Variants in IDE observed in about 807,000 individuals in gnomAD.
IDE encodes the protein insulin-degrading enzyme.
In IDE, 58 loss-of-function variants were observed where a neutral mutation model predicts 133.2. The ratio of observed to expected loss-of-function variants is 0.44; its 90% CI spans 0.35 to 0.54. The LOEUF is 0.54. IDE is among the 20% of genes least tolerant of loss of function. The pLI is 0.00. For synonymous variants in IDE, 396 were observed against 421.3 expected (o/e 0.94, Z 0.73); for missense variants, 981 against 1,234.0 (o/e 0.79, Z 3.07).
chr10:92,538,241 G>A (rs773133266), intron 1 of IDE, among the ~76,000 whole-genome samples: 7 of 152,172 alleles, frequency 4.6e-5, no homozygotes, highest in Non-Finnish European at 8.8e-5. Flanking sequence ...GAGATGTTGT[G>A]TAAGAATTAT....
rs527465031 is a variant in IDE at position 92,470,417 on chromosome 10, A to T, written c.2117-72T>A. 3.1e-5 allele frequency: 30 copies of T among 957,814 alleles called. No homozygotes were observed. The Admixed American group carries it at 3.8e-4, about 12-fold the overall frequency. 59.3% of individuals were successfully genotyped at this position (957,814 alleles called of 1,614,324 possible). ...TTTTGTTTGAGATAATTTGAGACTT[A>T]CAGAAGACTTGCAAAAATAGTACAC... On this transcript the variant is annotated intron_variant, in intron 17 of 24. Coordinates refer to ENST00000265986, the MANE Select transcript of IDE (RefSeq NM_004969.4).
rs1430975285 is a variant in IDE, at chr10:92,460,538, G to A, written c.2823+653C>T. On this transcript the variant is annotated intron_variant, in intron 22 of 24. Coordinates refer to ENST00000265986, the MANE Select transcript of IDE (RefSeq NM_004969.4). Reference sequence around the variant, plus strand: ...TGGGTCAATCTTTTGGCTTCCTTGGGCCACACTGGAAGAAGAAGAATTGTC... The same window carrying A: ...TGGGTCAATCTTTTGGCTTCCTTGGACCACACTGGAAGAAGAAGAATTGTC... Among the ~76,000 whole-genome samples the A allele has an allele frequency of 2.0e-5, 3 of 152,076 alleles. No individual in the cohort carries two copies. The South Asian group carries it at 6.2e-4, about 32-fold the overall frequency.
Position 92,475,988 on chromosome 10 carries a change from C to T in IDE, c.1891G>A (p.Val631Met). Residue 631 changes from valine (V) to methionine (M), a missense_variant, in exon 16 of 25, where the codon GTG (valine) becomes ATG (methionine). By Grantham distance (21) the Val-to-Met change is conservative (BLOSUM62 1). This residue lies in a region of IDE where 660 missense variants were observed against 894.7 expected (regional missense o/e 0.74). Transcript: ENST00000265986. ...QNTIYGMYLS[V>M]KGYNDKQPIL... ...GGCTGCTTGTCATTGTAACCTTTCA[C>T]TGAAAGCTACAGAAAGAATTCAGGG... 7.2e-7 allele frequency: 1 copy of T among 1,393,680 alleles called. No homozygotes were observed. Among genetic ancestry groups the T allele is most frequent in the Non-Finnish European group, 1.0e-6 (1 of 997,448 alleles). The allele number at this position is 1,393,680 out of a possible 1,614,324, so 86.3% of individuals were successfully genotyped here. A position where few individuals can be genotyped will look rare whatever the true frequency, so the allele number is the denominator to read the frequency against.
chr10:92,572,693 G>C (rs1843842418), intron 1 of IDE, among the ~76,000 whole-genome samples: 1 of 152,154 alleles, frequency 6.6e-6, no homozygotes, highest in East Asian at 1.9e-4. Flanking sequence ...TACAGGACTT[G>C]TGTCCTTCTA....
At chr10:92,496,561 G>A (rs909407519) in intron 11 of IDE, among the ~76,000 whole-genome samples, 8 of 152,158 alleles carry the variant, frequency 5.3e-5, no homozygotes, top group Non-Finnish European at 1.0e-4. Context: ...TGAGGCCGGT[G>A]GATCACTTGA....
intron 1 of IDE, among the ~76,000 whole-genome samples, chr10:92,570,049 G>A (rs951292583): frequency 3.3e-5 from 5 of 152,088 alleles, no homozygotes; most frequent in East Asian, 3.9e-4. Context: ...GGTGGAAGTT[G>A]CAGTGAGCCA....
Position 92,487,200 on chromosome 10 carries a change from A to G in IDE, c.1652T>C (p.Ile551Thr), listed in dbSNP as rs1847049844. Residue 551 changes from isoleucine to threonine, a missense_variant, in exon 13 of 25, where the codon ATT (isoleucine) becomes ACT (threonine). Ile to Thr is a moderately conservative substitution (Grantham distance 89). Coordinates refer to ENST00000265986, the MANE Select transcript of IDE (RefSeq NM_004969.4). ...EKEATPYPAL[I>T]KDTAMSKLWF... Reference sequence around the variant, plus strand: ...TCACTGATTCAAACACATTACCTTAATAAGAGCAGGGTATGGTGTCGCCTC... The same window carrying G: ...TCACTGATTCAAACACATTACCTTAGTAAGAGCAGGGTATGGTGTCGCCTC... 4 of 1,610,890 alleles carry G rather than the reference A, an allele frequency of 2.5e-6. No homozygotes were observed. In the Middle Eastern group the frequency reaches 6.6e-4, roughly 267 times the overall value.
At chr10:92,466,188 A>G (rs956164521) in intron 19 of IDE, among the ~76,000 whole-genome samples, 2 of 143,686 alleles carry the variant, frequency 1.4e-5, no homozygotes, top group African/African-American at 5.2e-5. Context: ...CTGTGAGTAT[A>G]CCACTGCACT....
At chr10:92,525,331 TAAAATTC>T (rs1159805365) in intron 4 of IDE, among the ~76,000 whole-genome samples, 1 of 152,106 alleles carries the variant, frequency 6.6e-6, no homozygotes, top group African/African-American at 2.4e-5. Context: ...AGGCATTCAA[TAAAATTC>T]AACATCACTT....
chr10:92,547,428 C>T (rs756619360), intron 1 of IDE, among the ~76,000 whole-genome samples: 7 of 151,962 alleles, frequency 4.6e-5, no homozygotes, highest in Admixed American at 1.3e-4. Context: ...GAAGAGTTAT[C>T]GACCTGTAAG....
At chr10:92,523,207 C>T (rs944915378) in intron 4 of IDE, among the ~76,000 whole-genome samples, 1 of 151,762 alleles carries the variant, frequency 6.6e-6, no homozygotes, top group African/African-American at 2.4e-5. Context: ...ATGGTGAAAC[C>T]CTGTCTCTAC....
intron 23 of IDE, 99 bp from the exon 24 acceptor site, chr10:92,455,742 C>T (rs541484200): frequency 5.7e-5 from 40 of 702,902 alleles, no homozygotes; most frequent in African/African-American, 4.8e-4. Context: ...TTAAAAACAC[C>T]GCACCAGCCC....
intron 12 of IDE, among the ~76,000 whole-genome samples, chr10:92,488,161 G>A (rs1392044550): frequency 6.6e-6 from 1 of 151,914 alleles, no homozygotes; most frequent in Admixed American, 6.6e-5. Context: ...CTGGAATGCA[G>A]CAGCGTGATC....
intron 11 of IDE, among the ~76,000 whole-genome samples, chr10:92,491,251 A>C (rs916756658): frequency 6.6e-5 from 10 of 151,874 alleles, no homozygotes; most frequent in African/African-American, 9.7e-5. Context: ...AAAAAAAAAA[A>C]AACCAAAAAG....
At chr10:92,502,182 G>A (rs1321377130) in intron 11 of IDE, among the ~76,000 whole-genome samples, 1 of 152,006 alleles carries the variant, frequency 6.6e-6, no homozygotes, top group East Asian at 1.9e-4. Flanking sequence ...CAGCCTACCA[G>A]GATTTTGGTT....
intron 23 of IDE, 111 bp from the exon 24 acceptor site, chr10:92,455,754 G>A (rs561467960): frequency 1.5e-5 from 10 of 646,880 alleles, no homozygotes; most frequent in Admixed American, 1.4e-4. Flanking sequence ...CACCAGCCCC[G>A]TTCATGTACT....
chr10:92,460,659 G>A (rs1845327866), intron 22 of IDE, among the ~76,000 whole-genome samples: 1 of 152,130 alleles, frequency 6.6e-6, no homozygotes, highest in African/African-American at 2.4e-5. Flanking sequence ...ATGGCCCGCA[G>A]GCTGCAGGTT....
intron 11 of IDE, among the ~76,000 whole-genome samples, chr10:92,491,900 T>C (rs1206608105): frequency 2.0e-5 from 3 of 152,058 alleles, no homozygotes; most frequent in Admixed American, 2.0e-4. Flanking sequence ...TGTCAGCCAC[T>C]GTGCCCAGCC....
chr10:92,540,478 G>C lies in IDE; in HGVS notation c.99-2928C>G, dbSNP rs1842244415. ...CAGCAAGAAGGGCAGTGTTAAAACG[G>C]CAGTGTTAATAAGAACCTCCGTGTG... On this transcript the variant is annotated intron_variant, in intron 1 of 24. Transcript: ENST00000265986. Among the ~76,000 whole-genome samples, 2 of 152,162 alleles carry C rather than the reference G, an allele frequency of 1.3e-5. 1 individual carries two copies. Among genetic ancestry groups the C allele is most frequent in the South Asian group, 4.1e-4 (2 of 4,830 alleles).
Sources: gnomAD v4.1 joint callset for allele counts (sites outside exome capture counted in the v4.1 genomes callset) on GRCh38, gnomAD v4.1.1 for gene constraint, gnomAD v4.1.1 regional missense constraint, MANE v1.5 for transcripts, NCBI Gene and HGNC (gene_info 2026-07-23, HGNC 2026-07-21) for gene names.